The following NCAM2 variants were observed in gnomAD, a reference collection of about 807,000 sequenced individuals.
The protein encoded by NCAM2 is N-CAM-2.
Under a neutral mutation model 98.1 loss-of-function variants are expected in NCAM2, and 30 were observed. That is an observed-to-expected ratio of 0.31 (90% CI 0.23 to 0.41). The LOEUF (loss-of-function observed/expected upper bound fraction) is 0.41. Among genes scored for constraint, NCAM2 ranks in the 10% least tolerant of loss-of-function variants. The probability of loss-of-function intolerance (pLI) is 1.00; values close to 1 mark genes in which losing one functional copy is unlikely to be tolerated. For missense variants in NCAM2, 867 were observed against 1,005.8 expected, an observed-to-expected ratio of 0.86 and a Z score of 1.87; for synonymous variants, 368 against 342.4, an observed-to-expected ratio of 1.07 and a Z score of -0.83.
chr21:21,405,250 A>G (rs1332553500), intron 9 of NCAM2, among the ~76,000 whole-genome samples: 1 of 152,092 alleles, frequency 6.6e-6, no homozygotes, highest in African/African-American at 2.4e-5. Flanking sequence ...AATATTCTCA[A>G]TGAAAAAAAT....
rs191862802 is a variant in NCAM2 at position 21,430,080 on chromosome 21, T to C, written c.1481-2028T>C. The stretch of plus-strand genomic sequence containing the variant: ...TCTCTCTCTGTTGCCCAGGCTGGAT[T>C]TGCAGGGACATGATCTCAACTCACT... On this transcript the variant is annotated intron_variant, in intron 11 of 17. Coordinates refer to ENST00000400546, the MANE Select transcript of NCAM2 (RefSeq NM_004540.5). Among the ~76,000 whole-genome samples, 441 of 152,084 alleles carry C rather than the reference T, an allele frequency of 2.9e-3. 5 individuals carry two copies. The highest frequency in any genetic ancestry group is 0.01 in the African/African-American group (419 of 41,514).
Position 21,407,489 on chromosome 21 carries a change from T to G in NCAM2, c.1196-2785T>G, listed in dbSNP as rs145697436. ...TTATGGAAAACAACAAATCTTACCC[T>G]CAGTATATAGTTAAATTACACTATT... On this transcript the variant is annotated intron_variant, in intron 9 of 17. Transcript: ENST00000400546. Among the ~76,000 whole-genome samples the G allele has an allele frequency of 3.4e-3, 519 of 152,250 alleles. 3 individuals are homozygous for G. Among genetic ancestry groups the G allele is most frequent in the African/African-American group, 0.012 (492 of 41,564 alleles).
chr21:21,424,604 A>G (rs1213948593), intron 11 of NCAM2, among the ~76,000 whole-genome samples: 3 of 152,202 alleles, frequency 2.0e-5, no homozygotes, highest in Admixed American at 6.5e-5. Flanking sequence ...CATAGGCACT[A>G]TGCTCTGAAA....
chr21:21,182,165 A>G (rs1182938394), intron 1 of NCAM2, among the ~76,000 whole-genome samples: 1 of 152,228 alleles, frequency 6.6e-6, no homozygotes, highest in African/African-American at 2.4e-5. Flanking sequence ...ATGATAATTC[A>G]GCATTAAAAT....
chr21:21,529,126 C>T (rs1212917139), intron 16 of NCAM2, among the ~76,000 whole-genome samples: 4 of 152,054 alleles, frequency 2.6e-5, no homozygotes, highest in Non-Finnish European at 5.9e-5. Context: ...GTCCTAATCT[C>T]CTTTTCATTC....
chr21:21,362,552 C>T (rs1241416257), intron 8 of NCAM2, among the ~76,000 whole-genome samples: 1 of 152,062 alleles, frequency 6.6e-6, no homozygotes, highest in Non-Finnish European at 1.5e-5. Context: ...GCCACCATGC[C>T]CAGCTTATCC....
At chr21:21,495,966 A>T (rs577475379) in intron 15 of NCAM2, among the ~76,000 whole-genome samples, 1 of 149,596 alleles carries the variant, frequency 6.7e-6, no homozygotes, top group South Asian at 2.1e-4. Context: ...ACTCTTCCCA[A>T]TACATTACCC....
chr21:21,479,583 C>CAAAAAAAAAAAAAAAAAAAAAAAAAAA (rs1156588500), intron 15 of NCAM2, among the ~76,000 whole-genome samples: 4 of 30,962 alleles, frequency 1.3e-4, no homozygotes, highest in Admixed American at 7.4e-4. Flanking sequence ...GACTGCGTCT[C>CAAAAAAAAAAAAAAAAAAAAAAAAAAA]AAAAAAAAAA....
At chr21:21,515,225 T>C (rs568109950) in intron 16 of NCAM2, among the ~76,000 whole-genome samples, 1 of 152,240 alleles carries the variant, frequency 6.6e-6, no homozygotes, top group East Asian at 1.9e-4. Context: ...TCACATGCAG[T>C]CCTTTTGGGT....
intron 9 of NCAM2, among the ~76,000 whole-genome samples, chr21:21,386,309 G>A (rs1216867550): frequency 6.6e-6 from 1 of 151,990 alleles, no homozygotes; most frequent in African/African-American, 2.4e-5. Context: ...AAAATTCCTT[G>A]GTCATAGCAG....
chr21:21,515,955 T>G (rs1187061607), intron 16 of NCAM2, among the ~76,000 whole-genome samples: 1 of 152,202 alleles, frequency 6.6e-6, no homozygotes, highest in Non-Finnish European at 1.5e-5. Context: ...TTTACAAATC[T>G]AAAATTATGT....
intron 9 of NCAM2, among the ~76,000 whole-genome samples, chr21:21,376,019 G>A (rs113492459): frequency 6.6e-5 from 10 of 151,742 alleles, no homozygotes; most frequent in African/African-American, 2.2e-4. Flanking sequence ...AGAGTGGCTC[G>A]TACAAGATAT....
intron 1 of NCAM2, among the ~76,000 whole-genome samples, chr21:21,096,386 T>G (rs541856658): frequency 6.7e-6 from 1 of 149,864 alleles, no homozygotes; most frequent in South Asian, 2.1e-4. Flanking sequence ...TAAAACTGTG[T>G]AAACAAATCA....
At chr21:21,255,011 A>G (rs2071615791) in intron 1 of NCAM2, among the ~76,000 whole-genome samples, 1 of 151,794 alleles carries the variant, frequency 6.6e-6, no homozygotes, top group Non-Finnish European at 1.5e-5. Flanking sequence ...AACGTTATCA[A>G]TAATTTTTTG....
At chr21:21,512,722 A>G (rs1013656054) in intron 16 of NCAM2, among the ~76,000 whole-genome samples, 2 of 152,074 alleles carry the variant, frequency 1.3e-5, no homozygotes, top group African/African-American at 4.8e-5. Context: ...ATCCACCAAC[A>G]TAAAATGCCT....
At chr21:21,098,392 T>C (rs1885352308) in intron 1 of NCAM2, among the ~76,000 whole-genome samples, 1 of 151,830 alleles carries the variant, frequency 6.6e-6, no homozygotes, top group African/African-American at 2.4e-5. Flanking sequence ...ATAGTTTTGT[T>C]ACGTGATGCA....
intron 12 of NCAM2, among the ~76,000 whole-genome samples, chr21:21,444,359 G>A (rs541617414): frequency 6.6e-6 from 1 of 152,274 alleles, no homozygotes; most frequent in African/African-American, 2.4e-5. Context: ...AAGTGAGTTA[G>A]GGGGAGTCCC....
At chr21:21,533,692 A>T (rs527355195) in intron 16 of NCAM2, among the ~76,000 whole-genome samples, 75 of 148,138 alleles carry the variant, frequency 5.1e-4, no homozygotes, top group Admixed American at 1.0e-3. Context: ...CTTTATTAGG[A>T]GTACCTCATG....
chr21:21,514,957 A>G (rs1329965907), intron 16 of NCAM2, among the ~76,000 whole-genome samples: 1 of 152,176 alleles, frequency 6.6e-6, no homozygotes, highest in African/African-American at 2.4e-5. Flanking sequence ...TTGTTCTTCA[A>G]GATCGTTTTG....
Sources: allele counts gnomAD v4.1 joint callset (sites outside exome capture counted in the v4.1 genomes callset), GRCh38; gene constraint gnomAD v4.1.1; transcripts MANE v1.5; gene names NCBI Gene and HGNC (gene_info 2026-07-23, HGNC 2026-07-21).